PRCD: variants seen among roughly 807,000 people sequenced by gnomAD.
The protein encoded by PRCD is photoreceptor disc component.
Under a neutral mutation model 10.1 loss-of-function variants are expected in PRCD, and 12 were observed. The ratio of observed to expected loss-of-function variants is 1.18; its 90% CI spans 0.76 to 1.92. The LOEUF (loss-of-function observed/expected upper bound fraction) is 1.92, where lower values mean the gene tolerates loss of function less well. Ranked by LOEUF, PRCD falls within the 40% of genes most tolerant of loss-of-function variation. PRCD has a pLI of 0.00. For missense variants in PRCD, 61 were observed against 72.2 expected (o/e 0.84, Z 0.56); for synonymous variants, 31 against 26.2 (o/e 1.18, Z -0.56).
chr17:76,543,240 C>G (rs972449915), intron 4 of PRCD, 119 bp downstream of exon 4: 1 of 369,008 alleles, frequency 2.7e-6, no homozygotes, highest in Admixed American at 3.5e-5. Context: ...GCTCGCTGCT[C>G]TCGGACGGGC....
chr17:76,549,036 CA>C (rs1471963029), downstream of PRCD, among the ~76,000 whole-genome samples: 1 of 152,076 alleles, frequency 6.6e-6, no homozygotes, highest in Non-Finnish European at 1.5e-5. Context: ...CAATGGAATC[CA>C]AAAACAGATG....
chr17:76,539,992 C>T (rs550914395), upstream of PRCD: 42 of 782,148 alleles, frequency 5.4e-5, no homozygotes, highest in South Asian at 6.3e-4. Context: ...GGGCCGCTGA[C>T]CCACTAATCA....
chr17:76,538,294 C>G (rs2074946510), upstream of PRCD: 1 of 210,464 alleles, frequency 4.8e-6, no homozygotes, highest in Admixed American at 6.4e-5. Context: ...GCGCCACTCC[C>G]ACGGCTCTGG....
At chr17:76,549,999 A>G (rs1318944368), downstream of PRCD, 1 of 151,960 alleles carries the variant, frequency 6.6e-6, no homozygotes, top group East Asian at 1.9e-4. Context: ...TTTGTCACCC[A>G]GGCTGGAGTG....
At chr17:76,542,743 T>C in intron 3 of PRCD, 110 bp downstream of exon 3, 2 of 733,330 alleles carry the variant, frequency 2.7e-6, no homozygotes, top group South Asian at 3.0e-5. Flanking sequence ...GTTCAGCTCT[T>C]GCCACTGATG....
rs573833498 is a variant in PRCD at position 76,533,832 on chromosome 17, C to A, written n.45+5999C>A. ...ATCACTTGAGGCCAGGAGTTTGAGA[C>A]CAGCCTGGGCAACATAGTGAGATCC... On this transcript the variant is annotated intron_variant and non_coding_transcript_variant, in intron 1 of 4. Transcript: ENST00000397633. This position sits in a 1 kb window ranked among gnomAD's most constrained non-coding sequence, Gnocchi z 4.5. 3.3e-5 allele frequency among the ~76,000 whole-genome samples: 5 copies of A among 152,196 alleles called. No individual in the cohort carries two copies. Among genetic ancestry groups the A allele is most frequent in the Middle Eastern group, 3.4e-3 (1 of 294 alleles).
chr17:76,531,671 G>A lies in PRCD; in HGVS notation n.45+3838G>A, dbSNP rs139406761. Reference sequence around the variant, plus strand: ...GAACTGGCTGAAGTACTGCTTGGCCGAGGGGAAGTTCACAAAGAACCTGGC... The same window carrying A: ...GAACTGGCTGAAGTACTGCTTGGCCAAGGGGAAGTTCACAAAGAACCTGGC... On this transcript the variant is annotated intron_variant and non_coding_transcript_variant, in intron 1 of 4. Coordinates refer to the PRCD transcript ENST00000397633. The surrounding 1 kb of genome is among the most constrained non-coding windows in gnomAD (Gnocchi z 7.4). 28 of 1,596,888 alleles carry A rather than the reference G, an allele frequency of 1.8e-5. No homozygotes were observed. In the African/African-American group the frequency reaches 2.3e-4, roughly 13 times the overall value.
chr17:76,539,547 C>G (rs1479816920), upstream of PRCD, among the ~76,000 whole-genome samples: 2 of 152,170 alleles, frequency 1.3e-5, no homozygotes, highest in African/African-American at 2.4e-5. Context: ...CTTCATTATC[C>G]AATATTCCTC....
In PRCD at chr17:76,533,096, T is replaced by TG. The variant is rs1221954424; in HGVS notation, n.45+5265dup. Among the ~76,000 whole-genome samples, 1 of 152,332 alleles carries TG rather than the reference T, an allele frequency of 6.6e-6. No individual in the cohort carries two copies. The highest frequency in any genetic ancestry group is 2.1e-4 in the South Asian group (1 of 4,830). On this transcript the variant is annotated intron_variant and non_coding_transcript_variant, in intron 1 of 4. Transcript: ENST00000397633. This position sits in a 1 kb window ranked among gnomAD's most constrained non-coding sequence, Gnocchi z 4.5. Reference sequence around the variant, plus strand: ...CTGGAACAGATGCGGAGAGGGCATCTGGCCGGGTCATCCCTGCTGCTGGTG... The same window carrying TG: ...CTGGAACAGATGCGGAGAGGGCATCTGGGCCGGGTCATCCCTGCTGCTGGTG...
chr17:76,548,283 CACAG>C (rs746114578), downstream of PRCD, among the ~76,000 whole-genome samples: 267 of 152,276 alleles, frequency 1.8e-3, no homozygotes, highest in Middle Eastern at 0.01. Flanking sequence ...CATACATACA[CACAG>C]AGAGACATAC....
chr17:76,534,756 G>C (rs766318875), intron 1 of PRCD, among the ~76,000 whole-genome samples: 4 of 152,196 alleles, frequency 2.6e-5, no homozygotes, highest in Non-Finnish European at 4.4e-5. Flanking sequence ...CCAGGGGATC[G>C]TGGCCTGGTA....
rs1336159216 is a variant in PRCD at position 76,543,994 on chromosome 17, C to T, written c.*344C>T. On this transcript the variant is annotated 3_prime_UTR_variant, in exon 5 of 5. Coordinates refer to ENST00000592014, the MANE Select transcript of PRCD (RefSeq NM_001077620.3). ...AGCGTGTGGGAAGGAAAAAGCCTGACACTTGTTTTTATCAATTTGCTGATG... is the reference window on the plus strand; with the variant it reads ...AGCGTGTGGGAAGGAAAAAGCCTGATACTTGTTTTTATCAATTTGCTGATG... The T allele has an allele frequency of 4.4e-6, 2 of 459,744 alleles. No homozygotes were observed. Among genetic ancestry groups the T allele is most frequent in the Admixed American group, 4.7e-5 (2 of 42,580 alleles). 28.5% of individuals were successfully genotyped at this position (459,744 alleles called of 1,614,324 possible). A position where few individuals can be genotyped will look rare whatever the true frequency, so the allele number is the denominator to read the frequency against.
rs535801024 is a variant in PRCD at position 76,540,924 on chromosome 17, C to A, written c.143+351C>A. Among the ~76,000 whole-genome samples, 19 of 152,300 alleles carry A rather than the reference C, an allele frequency of 1.2e-4. No homozygotes were observed. Among genetic ancestry groups the A allele is most frequent in the African/African-American group, 4.6e-4 (19 of 41,546 alleles). ...CTTTGCTCGCCTTTCCTTGCCCTTC[C>A]CCCTCCTCCTCCTCTGCCCCCGCCC... On this transcript the variant is annotated intron_variant, in intron 2 of 4. Transcript: ENST00000592014. This position sits in a 1 kb window ranked among gnomAD's most constrained non-coding sequence, Gnocchi z 5.0.
Position 76,545,106 on chromosome 17 carries a change from G to C in PRCD, c.*1456G>C, listed in dbSNP as rs1361220779. 4.4e-6 allele frequency: 2 copies of C among 455,878 alleles called. No homozygotes were observed. The highest frequency in any genetic ancestry group is 2.3e-5 in the Admixed American group (1 of 42,584). 28.2% of individuals were successfully genotyped at this position (455,878 alleles called of 1,614,324 possible). On this transcript the variant is annotated 3_prime_UTR_variant, in exon 5 of 5. Coordinates refer to ENST00000592014, the MANE Select transcript of PRCD (RefSeq NM_001077620.3). ...GAGCAGGCTGGCTTTGGTGGGAGCA[G>C]ATTGTGTTTACACCTTCCCCGCACA...
chr17:76,531,848 C>A lies in PRCD; in HGVS notation n.45+4015C>A, dbSNP rs372152306. On this transcript the variant is annotated intron_variant and non_coding_transcript_variant, in intron 1 of 4. Coordinates refer to the PRCD transcript ENST00000397633. This position sits in a 1 kb window ranked among gnomAD's most constrained non-coding sequence, Gnocchi z 7.4. Reference sequence around the variant, plus strand: ...ACCATCAGTAGACCTCAGCATAGACCCTCCTCCCTCTGGCCAAGCCGGCTC... The same window carrying A: ...ACCATCAGTAGACCTCAGCATAGACACTCCTCCCTCTGGCCAAGCCGGCTC... 1.3e-5 allele frequency: 8 copies of A among 624,572 alleles called. No individual in the cohort carries two copies. The highest frequency in any genetic ancestry group is 9.2e-5 in the African/African-American group (5 of 54,262). 38.7% of individuals were successfully genotyped at this position (624,572 alleles called of 1,614,324 possible). A position where few individuals can be genotyped will look rare whatever the true frequency, so the allele number is the denominator to read the frequency against.
chr17:76,540,688 G>A lies in PRCD; in HGVS notation c.143+115G>A, dbSNP rs2074982134. 9.6e-7 allele frequency: 1 copy of A among 1,045,340 alleles called. No homozygotes were observed. Among genetic ancestry groups the A allele is most frequent in the Non-Finnish European group, 1.5e-6 (1 of 685,612 alleles). The allele number at this position is 1,045,340 out of a possible 1,614,324, so 64.8% of individuals were successfully genotyped here. ...GCGCCTGTGCGTGCACCGTATCCTG[G>A]CCCTTGCCCTAAGCACCCTGCTCCC... On this transcript the variant is annotated intron_variant, in intron 2 of 4. Transcript: ENST00000592014. This position sits in a 1 kb window ranked among gnomAD's most constrained non-coding sequence, Gnocchi z 5.0.
chr17:76,532,738 T>C (rs1481259062), intron 1 of PRCD, among the ~76,000 whole-genome samples: 1 of 151,912 alleles, frequency 6.6e-6, no homozygotes, highest in African/African-American at 2.4e-5. Context: ...GGTTTCACCA[T>C]GTTGGCCAGG....
downstream of PRCD, among the ~76,000 whole-genome samples, chr17:76,547,740 TACACAA>T (rs1238860026): frequency 2.9e-5 from 4 of 135,782 alleles, no homozygotes; most frequent in African/African-American, 8.5e-5. Context: ...CACACACACA[TACACAA>T]ACACAGTCAT....
chr17:76,542,757 G>A (rs1419997546), intron 3 of PRCD, 124 bp downstream of exon 3: 7 of 701,084 alleles, frequency 1.0e-5, no homozygotes, highest in Non-Finnish European at 1.6e-5. Flanking sequence ...ACTGATGGAG[G>A]TTCAAAGTAG....
Sources: gnomAD v4.1 joint callset for allele counts (sites outside exome capture counted in the v4.1 genomes callset) on GRCh38, gnomAD v4.1.1 for gene constraint, Gnocchi (gnomAD v3.1) non-coding constraint, MANE v1.5 for transcripts, NCBI Gene and HGNC (gene_info 2026-07-23, HGNC 2026-07-21) for gene names.